Variants in LY75 observed in about 807,000 individuals in gnomAD.
The protein encoded by LY75 is C-type lectin domain family 13 member B.
In LY75, 185 loss-of-function variants were observed where a neutral mutation model predicts 231.7. That is an observed-to-expected ratio of 0.80 (90% CI 0.71 to 0.90). The LOEUF is 0.90. LY75 is among the 40% of genes least tolerant of loss of function. The probability of loss-of-function intolerance (pLI) is 0.00; values close to 1 mark genes in which losing one functional copy is unlikely to be tolerated. For missense variants in LY75, 1,947 were observed against 2,050.2 expected (o/e 0.95, Z 0.97); for synonymous variants, 668 against 689.0 (o/e 0.97, Z 0.48).
At chr2:159,842,839 C>T (rs1257404152) in intron 23 of LY75, among the ~76,000 whole-genome samples, 1 of 151,740 alleles carries the variant, frequency 6.6e-6, no homozygotes, top group Non-Finnish European at 1.5e-5. Context: ...TAATCACAAT[C>T]AATAATATTA....
At chr2:159,871,085 G>A (rs1685000627) in intron 13 of LY75, among the ~76,000 whole-genome samples, 1 of 151,976 alleles carries the variant, frequency 6.6e-6, no homozygotes, top group African/African-American at 2.4e-5. Flanking sequence ...ACTTAACAAT[G>A]CTTCATCATT....
At chr2:159,813,651 A>T (rs1683033284) in intron 31 of LY75, among the ~76,000 whole-genome samples, 1 of 152,054 alleles carries the variant, frequency 6.6e-6, no homozygotes, top group Non-Finnish European at 1.5e-5. Context: ...TCTCCCTCTT[A>T]TAAGGACACT....
chr2:159,850,655 C>A (rs1243457125), intron 21 of LY75, among the ~76,000 whole-genome samples, 188 bp from the exon 22 acceptor site: 1 of 150,238 alleles, frequency 6.7e-6, no homozygotes, highest in Non-Finnish European at 1.5e-5. Context: ...GAGACAGAGT[C>A]TCTCTCTGTT....
At chr2:159,881,683 A>G (rs1239437992) in intron 7 of LY75, among the ~76,000 whole-genome samples, 1 of 152,170 alleles carries the variant, frequency 6.6e-6, no homozygotes, top group Non-Finnish European at 1.5e-5. Flanking sequence ...AGAGATCATA[A>G]TACTGTCCGT....
At position 159,852,246 on chromosome 2, in the gene LY75, T is replaced by G. The variant is rs755719229; in HGVS notation, c.2838A>C (p.Ala946=). 1.9e-6 allele frequency: 3 copies of G among 1,614,100 alleles called. No homozygotes were observed. In the South Asian group the frequency reaches 3.3e-5, roughly 18 times the overall value. Residue 946 remains alanine (A), a synonymous_variant, in exon 21 of 35, where the codon GCA becomes GCC. Transcript: ENST00000263636. ...ATTGCTCAGAACATTGCACTTTAGC[T>G]GCAGAATCTGGGCTGTATTTCTCTA... ...SSLEKYSPDS[A]AKVQCSEQWI... is the part of the protein sequence containing the mutation.
intron 23 of LY75, among the ~76,000 whole-genome samples, chr2:159,848,087 TATATATACAC>T (rs1370205053): frequency 9.7e-6 from 1 of 103,404 alleles, no homozygotes; most frequent in Non-Finnish European, 1.7e-5. Context: ...TATATATATA[TATATATACAC>T]ACACACATAC....
chr2:159,808,654 A>C, intron 32 of LY75, 83 bp from the exon 33 acceptor site: 1 of 1,530,444 alleles, frequency 6.5e-7, no homozygotes, highest in Non-Finnish European at 8.8e-7. Context: ...TGAAAAATAC[A>C]TATATTATTA....
At position 159,878,727 on chromosome 2, in the gene LY75, T is replaced by A; in HGVS notation, c.1516-6A>T. ...TCTCCATGTCTCTTCCAGCCCTAAG[T>A]CAGAGGAAAAATATTGTCAAACTCT... On this transcript the variant is annotated splice_polypyrimidine_tract_variant and splice_region_variant and intron_variant, in intron 9 of 34. Coordinates refer to ENST00000263636, the MANE Select transcript of LY75 (RefSeq NM_002349.4). 6.2e-7 allele frequency: 1 copy of A among 1,613,766 alleles called. No individual in the cohort carries two copies. Among genetic ancestry groups the A allele is most frequent in the Admixed American group, 1.7e-5 (1 of 59,964 alleles).
intron 16 of LY75, among the ~76,000 whole-genome samples, chr2:159,858,047 G>A (rs2667036): frequency 0.034 from 5,231 of 152,078 alleles, 252 homozygotes; most frequent in East Asian, 0.16. Flanking sequence ...AAATAAAAAC[G>A]AAAATGATTC....
chr2:159,882,456 A>G (rs1397798349), intron 6 of LY75, 141 bp from the exon 7 acceptor site: 1 of 1,167,222 alleles, frequency 8.6e-7, no homozygotes, highest in African/African-American at 1.6e-5. Context: ...ACATGAATTC[A>G]TGTGGTGCCT....
chr2:159,806,380 C>A (rs1031868752), intron 34 of LY75, among the ~76,000 whole-genome samples: 7 of 152,072 alleles, frequency 4.6e-5, no homozygotes, highest in African/African-American at 7.2e-5. Context: ...TATTTATATA[C>A]AAGAAGCAAA....
chr2:159,842,996 G>A (rs1251126251), intron 23 of LY75, among the ~76,000 whole-genome samples: 3 of 151,520 alleles, frequency 2.0e-5, no homozygotes, highest in African/African-American at 7.3e-5. Context: ...AACCAAAAAT[G>A]AACTAAAATA....
Position 159,819,776 on chromosome 2 carries a change from T to G in LY75, c.4103A>C (p.Glu1368Ala). 1 of 1,613,894 alleles carries G rather than the reference T, an allele frequency of 6.2e-7. No homozygotes were observed. The highest frequency in any genetic ancestry group is 8.5e-7 in the Non-Finnish European group (1 of 1,179,916). Residue 1368 changes from glutamate to alanine, a missense_variant, in exon 29 of 35, where the codon GAA (glutamate) becomes GCA (alanine). Transcript: ENST00000263636. ...WDIQTFKVIEEAVYFHQHSIL... is the reference protein window; with the variant it reads ...WDIQTFKVIEAAVYFHQHSIL... ...GCTGTGCTGGTGAAAATAAACTGCTTCTTCAATAACTTTAAAGGTTTGAAT... is the reference window on the plus strand; with the variant it reads ...GCTGTGCTGGTGAAAATAAACTGCTGCTTCAATAACTTTAAAGGTTTGAAT...
chr2:159,879,845 A>G (rs1272089180), intron 8 of LY75, among the ~76,000 whole-genome samples: 1 of 152,198 alleles, frequency 6.6e-6, no homozygotes, highest in Non-Finnish European at 1.5e-5. Flanking sequence ...CTCTACTTCA[A>G]TCTGGACTTC....
At chr2:159,815,963 T>A (rs1336305169) in intron 30 of LY75, among the ~76,000 whole-genome samples, 1 of 152,178 alleles carries the variant, frequency 6.6e-6, no homozygotes. Flanking sequence ...GTTTTGTGTT[T>A]TGTGTCTCTG....
intron 14 of LY75, among the ~76,000 whole-genome samples, chr2:159,864,119 C>T (rs370211638): frequency 5.9e-5 from 9 of 152,218 alleles, no homozygotes; most frequent in East Asian, 3.9e-4. Flanking sequence ...AAGTGATGTA[C>T]GACTGTATTT....
chr2:159,862,497 C>G (rs1467411272), intron 14 of LY75, among the ~76,000 whole-genome samples: 1 of 152,002 alleles, frequency 6.6e-6, no homozygotes, highest in Non-Finnish European at 1.5e-5. Context: ...AAGATGACTA[C>G]TATATTTATA....
intron 2 of LY75, 135 bp from the exon 3 acceptor site, chr2:159,894,219 G>C: frequency 9.0e-7 from 1 of 1,106,842 alleles, no homozygotes; most frequent in Non-Finnish European, 1.2e-6. Flanking sequence ...TCAGAGCATG[G>C]GTGCTGTCAG....
intron 28 of LY75, among the ~76,000 whole-genome samples, chr2:159,823,995 T>C (rs763461278): frequency 3.9e-5 from 6 of 152,088 alleles, no homozygotes; most frequent in Admixed American, 1.3e-4. Context: ...CTGCAAAACA[T>C]ACCAAACTGT....
Sources: allele counts gnomAD v4.1 joint callset (sites outside exome capture counted in the v4.1 genomes callset), GRCh38; gene constraint gnomAD v4.1.1; transcripts MANE v1.5; gene names NCBI Gene and HGNC (gene_info 2026-07-23, HGNC 2026-07-21).